Variants in MCIDAS observed in about 807,000 individuals in gnomAD.
MCIDAS encodes the protein multiciliate differentiation and DNA synthesis associated cell cycle protein.
A neutral mutation model predicts 35.4 loss-of-function variants in MCIDAS; 23 were observed. The observed-to-expected ratio is 0.65, with a 90% confidence interval of 0.47 to 0.92. The LOEUF (loss-of-function observed/expected upper bound fraction) is 0.92, where lower values mean the gene tolerates loss of function less well. MCIDAS is among the 40% of genes least tolerant of loss of function. The pLI is 0.00. For missense variants in MCIDAS, 480 were observed against 531.8 expected (o/e 0.90, Z 0.96); for synonymous variants, 228 against 235.2 (o/e 0.97, Z 0.28).
chr5:55,222,838 T>G lies in MCIDAS; in HGVS notation c.382+113A>C. 7.0e-6 allele frequency: 6 copies of G among 856,214 alleles called. No individual in the cohort carries two copies. The South Asian group carries it at 9.3e-5, about 13-fold the overall frequency. 53.0% of individuals were successfully genotyped at this position (856,214 alleles called of 1,614,324 possible). Reference sequence around the variant, plus strand: ...GACTCTTTGATGAGTTGCTGGAGAGTCGTTGACAGTTGGCTGGGTTTACCA... The same window carrying G: ...GACTCTTTGATGAGTTGCTGGAGAGGCGTTGACAGTTGGCTGGGTTTACCA... On this transcript the variant is annotated intron_variant, in intron 4 of 6. Coordinates refer to ENST00000513312, the MANE Select transcript of MCIDAS (RefSeq NM_001190787.3).
intron 5 of MCIDAS, 121 bp downstream of exon 5, chr5:55,222,055 C>T: frequency 1.1e-6 from 1 of 877,600 alleles, no homozygotes; most frequent in Non-Finnish European, 1.7e-6. Flanking sequence ...CTACGTGAAC[C>T]ACCAGTCAGT....
At chr5:55,221,152 G>C in intron 5 of MCIDAS, 26 bp from the exon 6 acceptor site, 1 of 1,508,760 alleles carries the variant, frequency 6.6e-7, no homozygotes, top group East Asian at 2.5e-5. Context: ...CAAACATTCA[G>C]GGGTAGGTAC....
rs1580402017 is a variant in MCIDAS at position 55,220,249 on chromosome 5, C to T, written c.*117G>A. 4 of 979,494 alleles carry T rather than the reference C, an allele frequency of 4.1e-6. No homozygotes were observed. In the East Asian group the frequency reaches 1.1e-4, roughly 26 times the overall value. The allele number at this position is 979,494 out of a possible 1,614,324, so 60.7% of individuals were successfully genotyped here. A position where few individuals can be genotyped will look rare whatever the true frequency, so the allele number is the denominator to read the frequency against. Reference sequence around the variant, plus strand: ...TTTACAATGCATCGGTATCAAGATGCTTTTGTTCCTGAAAAAGTGTTTCAG... The same window carrying T: ...TTTACAATGCATCGGTATCAAGATGTTTTTGTTCCTGAAAAAGTGTTTCAG... On this transcript the variant is annotated 3_prime_UTR_variant, in exon 7 of 7. Transcript: ENST00000513312.
chr5:55,220,573 C>G lies in MCIDAS; in HGVS notation c.951G>C (p.Gly317=). ...PEPANTDTRP[G]NLHGAFRGLR... ...GCCCCCGGAAGGCGCCATGCAGGTT[C>G]CCGGGCCTGGTGTCAGTATTCGCGG... The change falls in exon 7 of 7, where the codon GGG becomes GGC. Residue 317 remains glycine, a synonymous_variant. Coordinates refer to ENST00000513312, the MANE Select transcript of MCIDAS (RefSeq NM_001190787.3). 3.9e-6 allele frequency: 6 copies of G among 1,536,080 alleles called. No homozygotes were observed. The highest frequency in any genetic ancestry group is 4.4e-6 in the Non-Finnish European group (5 of 1,146,864).
rs972753864 is a variant in MCIDAS, at chr5:55,219,933, C to A, written c.*433G>T. On this transcript the variant is annotated 3_prime_UTR_variant, in exon 7 of 7. Transcript: ENST00000513312. Reference sequence around the variant, plus strand: ...TTCACCCAGAAACCAGGCTTCTGGGCCTAGAGTCCTTAAGTGACTAGTTAA... The same window carrying A: ...TTCACCCAGAAACCAGGCTTCTGGGACTAGAGTCCTTAAGTGACTAGTTAA... The A allele has an allele frequency of 1.3e-5, 2 of 153,540 alleles. No individual in the cohort carries two copies. Among genetic ancestry groups the A allele is most frequent in the African/African-American group, 4.8e-5 (2 of 41,384 alleles). The allele number at this position is 153,540 out of a possible 1,614,324, so 9.5% of individuals were successfully genotyped here. A position where few individuals can be genotyped will look rare whatever the true frequency, so the allele number is the denominator to read the frequency against.
rs761064821 is a variant in MCIDAS, at chr5:55,227,061, C to T, written c.78G>A (p.Pro26=). The T allele has an allele frequency of 4.6e-6, 7 of 1,519,894 alleles. No individual in the cohort carries two copies. Among genetic ancestry groups the T allele is most frequent in the Non-Finnish European group, 6.1e-6 (7 of 1,140,364 alleles). 94.2% of individuals were successfully genotyped at this position (1,519,894 alleles called of 1,614,324 possible). The stretch of plus-strand genomic sequence containing the variant: ...CCGGCTTGCAGAGCAGCGCCCGGCC[C>T]GGCAGTGCCAGCATTCTGTTGGGGC... ...SICPNRMLAL[P]GRALLCKPGK... Residue 26 remains proline, a synonymous_variant, in exon 1 of 7, where the codon CCG becomes CCA. Coordinates refer to ENST00000513312, the MANE Select transcript of MCIDAS (RefSeq NM_001190787.3).
At position 55,227,144 on chromosome 5, in the gene MCIDAS, C is replaced by T. The variant is rs1213904629; in HGVS notation, c.-6G>A. The stretch of plus-strand genomic sequence containing the variant: ...CCGCCCCCGCACGCCTGCATTGTGC[C>T]TCCTGCCTCCGGGTGCCGACTGCTC... On this transcript the variant is annotated 5_prime_UTR_variant, in exon 1 of 7. Transcript: ENST00000513312. The T allele has an allele frequency of 2.1e-6, 3 of 1,436,456 alleles. No homozygotes were observed. The highest frequency in any genetic ancestry group is 1.5e-5 in the African/African-American group (1 of 67,176). 89.0% of individuals were successfully genotyped at this position (1,436,456 alleles called of 1,614,324 possible). A position where few individuals can be genotyped will look rare whatever the true frequency, so the allele number is the denominator to read the frequency against.
chr5:55,221,623 A>C (rs187328877), intron 5 of MCIDAS, among the ~76,000 whole-genome samples: 17 of 152,284 alleles, frequency 1.1e-4, no homozygotes, highest in African/African-American at 3.6e-4. Context: ...AAATAAAACT[A>C]TTTTTAAAAA....
rs751433727 is a variant in MCIDAS at position 55,220,474 on chromosome 5, G to C, written c.1050C>G (p.Thr350=). The C allele has an allele frequency of 4.2e-4, 643 of 1,535,890 alleles. 3 individuals are homozygous for C. Among genetic ancestry groups the C allele is most frequent in the Non-Finnish European group, 5.2e-4 (593 of 1,146,908 alleles). ...GGATGGTGCTGTGGCTGCGGATGCG[G>C]GTGCTGAAGGAGCCGCCCTCCTCCA... ...SELEEGGSFS[T]RIRSHSTIRT... Residue 350 remains threonine (T), a synonymous_variant, in exon 7 of 7, where the codon ACC becomes ACG. Transcript: ENST00000513312.
rs886857623 is a variant in MCIDAS, at chr5:55,222,187, C to G, written c.595G>C (p.Glu199Gln). ...ACCAGTGTCCCTACTTGATTATTCT[C>G]AACAAGCGCGTCTCCCAACGCTCTC... The part of the protein sequence containing the change: ...NQRALGDALV[E>Q]NNQLHVTLTQ... The change falls in exon 5 of 7, where the codon GAG (glutamate) becomes CAG (glutamine). Residue 199 changes from glutamate (E) to glutamine (Q), a missense_variant. Physicochemically the swap from Glu to Gln is conservative, Grantham distance 29 (BLOSUM62 2). Coordinates refer to ENST00000513312, the MANE Select transcript of MCIDAS (RefSeq NM_001190787.3). 1.3e-6 allele frequency: 2 copies of G among 1,534,782 alleles called. No homozygotes were observed. The highest frequency in any genetic ancestry group is 2.7e-5 in the African/African-American group (2 of 73,010).
intron 2 of MCIDAS, 33 bp downstream of exon 2, chr5:55,226,802 C>T: frequency 1.4e-6 from 2 of 1,387,740 alleles, no homozygotes; most frequent in Non-Finnish European, 1.9e-6. Flanking sequence ...GCGCGGGGAA[C>T]CCGAGGGGTA....
chr5:55,223,645 G>A lies in MCIDAS; in HGVS notation c.310-622C>T, dbSNP rs1745404559. Among the ~76,000 whole-genome samples, 1 of 152,218 alleles carries A rather than the reference G, an allele frequency of 6.6e-6. No individual in the cohort carries two copies. The highest frequency in any genetic ancestry group is 2.1e-4 in the South Asian group (1 of 4,832). ...ATCTTTCCACCCAAGACCCGACAGC[G>A]TGCAGGGGCCTCGAGCAGTAATTTG... On this transcript the variant is annotated intron_variant, in intron 3 of 6. Coordinates refer to ENST00000513312, the MANE Select transcript of MCIDAS (RefSeq NM_001190787.3). The surrounding 1 kb of genome is among the most constrained non-coding windows in gnomAD (Gnocchi z 4.4).
chr5:55,222,123 T>C, intron 5 of MCIDAS, 53 bp downstream of exon 5: 4 of 1,509,032 alleles, frequency 2.7e-6, no homozygotes, highest in Non-Finnish European at 2.7e-6. Context: ...ACTTCCACCC[T>C]CTATATCCTG....
At chr5:55,222,440 T>G in intron 4 of MCIDAS, 41 bp from the exon 5 acceptor site, 1 of 1,431,330 alleles carries the variant, frequency 7.0e-7, no homozygotes, top group Non-Finnish European at 9.2e-7. Context: ...CTCAAATTCA[T>G]GCCCAGCTAG....
chr5:55,222,050 T>G (rs1580403547), intron 5 of MCIDAS, 126 bp downstream of exon 5: 1 of 819,880 alleles, frequency 1.2e-6, no homozygotes, highest in Non-Finnish European at 1.9e-6. Flanking sequence ...GGCAGCTACG[T>G]GAACCACCAG....
intron 3 of MCIDAS, among the ~76,000 whole-genome samples, chr5:55,224,980 G>A (rs1050253190): frequency 2.6e-5 from 4 of 152,138 alleles, no homozygotes; most frequent in Non-Finnish European, 4.4e-5. Flanking sequence ...CAGACAGATC[G>A]CTAGAGCACA....
chr5:55,222,140 C>T, intron 5 of MCIDAS, 36 bp downstream of exon 5: 1 of 1,525,150 alleles, frequency 6.6e-7, no homozygotes, highest in South Asian at 1.2e-5. Flanking sequence ...CCTGTCCCTG[C>T]CCCAGGATTC....
At position 55,221,005 on chromosome 5, in the gene MCIDAS, G is replaced by A. The variant is rs1561114900; in HGVS notation, c.717+11C>T. ...CGTGCTGCAGTTCCCACACGCCCGC[G>A]CCCCACTTACATCCAGCACCGAGGC... On this transcript the variant is annotated intron_variant, in intron 6 of 6. Transcript: ENST00000513312. 1 of 1,532,374 alleles carries A rather than the reference G, an allele frequency of 6.5e-7. No individual in the cohort carries two copies. Among genetic ancestry groups the A allele is most frequent in the Non-Finnish European group, 8.7e-7 (1 of 1,143,660 alleles). The allele number at this position is 1,532,374 out of a possible 1,614,324, so 94.9% of individuals were successfully genotyped here. A position where few individuals can be genotyped will look rare whatever the true frequency, so the allele number is the denominator to read the frequency against.
chr5:55,224,115 A>T (rs2111697352), intron 3 of MCIDAS, among the ~76,000 whole-genome samples: 1 of 152,154 alleles, frequency 6.6e-6, no homozygotes, highest in South Asian at 2.1e-4. Flanking sequence ...CCAGTCACCC[A>T]GCTCTGAAGT....
Sources: gnomAD v4.1 joint callset for allele counts (sites outside exome capture counted in the v4.1 genomes callset) on GRCh38, gnomAD v4.1.1 for gene constraint, Gnocchi (gnomAD v3.1) non-coding constraint, MANE v1.5 for transcripts, NCBI Gene and HGNC (gene_info 2026-07-23, HGNC 2026-07-21) for gene names.